MBD2: variants seen among roughly 807,000 people sequenced by gnomAD.
The protein encoded by MBD2 is methyl-CpG-binding domain protein 2.
MBD2 carries 9 observed loss-of-function variants against 39.3 expected under a neutral mutation model. The observed-to-expected ratio is 0.23, with a 90% CI of 0.14 to 0.40. MBD2 has a LOEUF of 0.40. Ranked by LOEUF, MBD2 falls within the 10% of genes least tolerant of loss-of-function variation. The probability of loss-of-function intolerance (pLI) is 1.00; values close to 1 mark genes in which losing one functional copy is unlikely to be tolerated. For missense variants in MBD2, 458 were observed against 532.6 expected (o/e 0.86, Z 1.38); for synonymous variants, 233 against 211.1 (o/e 1.10, Z -0.90).
intron 3 of MBD2, among the ~76,000 whole-genome samples, chr18:54,167,891 C>T (rs1352397186): frequency 4.0e-5 from 6 of 149,644 alleles, no homozygotes; most frequent in Non-Finnish European, 7.4e-5. Context: ...GCCCTGCCTG[C>T]TTTCTATTTG....
chr18:54,224,661 A>C lies in MBD2; in HGVS notation c.-102T>G. The C allele has an allele frequency of 1.1e-6, 1 of 884,264 alleles. No individual in the cohort carries two copies. The highest frequency in any genetic ancestry group is 1.5e-6 in the Non-Finnish European group (1 of 670,840). 54.8% of individuals were successfully genotyped at this position (884,264 alleles called of 1,614,324 possible). The stretch of plus-strand genomic sequence containing the variant: ...AGCGCGGCGCGCGGGGGACGCGCGC[A>C]AGCATCATAGAGCGGGCGCGCACAG... On this transcript the variant is annotated 5_prime_UTR_variant, in exon 1 of 7. Transcript: ENST00000256429.
At chr18:54,157,636 C>T (rs1195939497) in intron 6 of MBD2, among the ~76,000 whole-genome samples, 1 of 152,116 alleles carries the variant, frequency 6.6e-6, no homozygotes, top group Non-Finnish European at 1.5e-5. Context: ...AAATGTAAGA[C>T]ATTATATGTA....
intron 3 of MBD2, among the ~76,000 whole-genome samples, chr18:54,174,851 G>A (rs2086200732): frequency 6.6e-6 from 1 of 152,202 alleles, no homozygotes; most frequent in Non-Finnish European, 1.5e-5. Flanking sequence ...ATTTACCACA[G>A]GATCGGGGTT....
At chr18:54,181,342 A>C (rs1189268964) in intron 3 of MBD2, among the ~76,000 whole-genome samples, 3 of 152,162 alleles carry the variant, frequency 2.0e-5, no homozygotes, top group Admixed American at 1.3e-4. Flanking sequence ...TAAGAGTATA[A>C]ATTTTCTACC....
At chr18:54,209,295 T>TC in intron 1 of MBD2, among the ~76,000 whole-genome samples, 1 of 67,518 alleles carries the variant, frequency 1.5e-5, no homozygotes, top group East Asian at 5.6e-4. Flanking sequence ...AGACTCCATC[T>TC]CCAAAAAAAA....
In MBD2 at chr18:54,155,221, T is replaced by C. The variant is rs1457025373; in HGVS notation, c.*103A>G. ...TATTAAAAAGCTCTATGTGCTCGGG[T>C]ACATTTTTTTTCTTACAGGCAAAAG... On this transcript the variant is annotated 3_prime_UTR_variant, in exon 7 of 7. Coordinates refer to ENST00000256429, the MANE Select transcript of MBD2 (RefSeq NM_003927.5). The C allele has an allele frequency of 6.6e-6, 1 of 152,182 alleles. No homozygotes were observed. The highest frequency in any genetic ancestry group is 1.5e-5 in the Non-Finnish European group (1 of 68,008). The allele number at this position is 152,182 out of a possible 1,614,324, so 9.4% of individuals were successfully genotyped here.
intron 1 of MBD2, among the ~76,000 whole-genome samples, chr18:54,211,434 C>T (rs375075397): frequency 8.6e-5 from 13 of 151,384 alleles, no homozygotes; most frequent in African/African-American, 2.7e-4. Context: ...CAAGCACGCA[C>T]GAGAAAAATC....
intron 1 of MBD2, among the ~76,000 whole-genome samples, chr18:54,212,269 T>C (rs950949061): frequency 1.3e-5 from 2 of 152,144 alleles, no homozygotes; most frequent in Admixed American, 6.5e-5. Flanking sequence ...ATCCACCTTA[T>C]ATACTACCTC....
chr18:54,162,630 T>C (rs1436335934), intron 5 of MBD2, among the ~76,000 whole-genome samples: 1 of 152,138 alleles, frequency 6.6e-6, no homozygotes, highest in Admixed American at 6.5e-5. Context: ...TCAACACATA[T>C]AAGGACCTGG....
chr18:54,210,582 G>C (rs1042031961), intron 1 of MBD2, among the ~76,000 whole-genome samples: 1 of 152,150 alleles, frequency 6.6e-6, no homozygotes, highest in African/African-American at 2.4e-5. Flanking sequence ...AAACCATTAT[G>C]AGGCCAGGGC....
intron 3 of MBD2, among the ~76,000 whole-genome samples, chr18:54,172,213 T>C (rs538709967): frequency 6.6e-6 from 1 of 152,314 alleles, no homozygotes; most frequent in African/African-American, 2.4e-5. Flanking sequence ...TAGAGTTTTA[T>C]GGGGATATCA....
chr18:54,214,764 G>T (rs1386546509), intron 1 of MBD2, among the ~76,000 whole-genome samples: 1 of 146,798 alleles, frequency 6.8e-6, no homozygotes, highest in East Asian at 2.0e-4. Context: ...TTTTTAGACG[G>T]AGTCTCGCTC....
chr18:54,184,156 A>G (rs2086268350), intron 3 of MBD2, among the ~76,000 whole-genome samples: 1 of 151,902 alleles, frequency 6.6e-6, no homozygotes, highest in Non-Finnish European at 1.5e-5. Flanking sequence ...TACTAATAAT[A>G]CTCAAAGCTA....
At chr18:54,221,150 A>G (rs1340037452) in intron 1 of MBD2, among the ~76,000 whole-genome samples, 1 of 152,176 alleles carries the variant, frequency 6.6e-6, no homozygotes, top group Non-Finnish European at 1.5e-5. Flanking sequence ...TTGTTTAGAA[A>G]GTTTGTTTTA....
chr18:54,171,372 G>C (rs1337337997), intron 3 of MBD2, among the ~76,000 whole-genome samples: 2 of 151,912 alleles, frequency 1.3e-5, no homozygotes, highest in Non-Finnish European at 2.9e-5. Flanking sequence ...ACTCCAGCCT[G>C]GGTGACAGAG....
chr18:54,204,737 T>G (rs1337689462), intron 2 of MBD2, among the ~76,000 whole-genome samples: 1 of 152,144 alleles, frequency 6.6e-6, no homozygotes, highest in Non-Finnish European at 1.5e-5. Context: ...AAGGAGACAA[T>G]TAACACCAAA....
chr18:54,177,827 CTTTTTTT>C (rs34113185), intron 3 of MBD2, among the ~76,000 whole-genome samples: 3 of 87,198 alleles, frequency 3.4e-5, no homozygotes, highest in East Asian at 3.6e-4. Context: ...TTTTTCCTCT[CTTTTTTT>C]TTTTTTTTTT....
At chr18:54,214,986 C>T (rs2086544780) in intron 1 of MBD2, among the ~76,000 whole-genome samples, 1 of 151,948 alleles carries the variant, frequency 6.6e-6, no homozygotes, top group African/African-American at 2.4e-5. Flanking sequence ...GTGATCCACC[C>T]GCCTCAGCCT....
At chr18:54,213,294 T>C (rs1295384427) in intron 1 of MBD2, among the ~76,000 whole-genome samples, 5 of 152,126 alleles carry the variant, frequency 3.3e-5, no homozygotes, top group Non-Finnish European at 7.4e-5. Context: ...TAGATTCTCA[T>C]AGGAGCATGA....
Sources: gnomAD v4.1 joint callset for allele counts (sites outside exome capture counted in the v4.1 genomes callset) on GRCh38, gnomAD v4.1.1 for gene constraint, MANE v1.5 for transcripts, NCBI Gene and HGNC (gene_info 2026-07-23, HGNC 2026-07-21) for gene names.